Variants in FOXN2 observed in about 807,000 individuals in gnomAD.
FOXN2 encodes forkhead box N2.
Under a neutral mutation model 41.2 loss-of-function variants are expected in FOXN2, and 19 were observed. The observed-to-expected ratio is 0.46, with a 90% CI of 0.32 to 0.68. The LOEUF is 0.68. FOXN2 is among the 30% of genes least tolerant of loss of function. The pLI is 0.03. For missense variants in FOXN2, 587 were observed against 509.4 expected, an observed-to-expected ratio of 1.15 and a Z score of -1.47; for synonymous variants, 195 against 176.8, an observed-to-expected ratio of 1.10 and a Z score of -0.82.
chr2:48,333,748 T>C (rs1192634633), intron 2 of FOXN2, among the ~76,000 whole-genome samples: 1 of 152,184 alleles, frequency 6.6e-6, no homozygotes, highest in African/African-American at 2.4e-5. Flanking sequence ...AACCCTATAG[T>C]GGCAAAACAT....
intron 2 of FOXN2, among the ~76,000 whole-genome samples, chr2:48,331,530 T>G (rs1416896129): frequency 6.6e-6 from 1 of 152,178 alleles, no homozygotes; most frequent in Admixed American, 6.5e-5. Flanking sequence ...AAATCATTTA[T>G]GTTGGCCAGG....
At chr2:48,333,744 A>G (rs913724536) in intron 2 of FOXN2, among the ~76,000 whole-genome samples, 2 of 152,182 alleles carry the variant, frequency 1.3e-5, no homozygotes, top group East Asian at 1.9e-4. Flanking sequence ...TCTTAACCCT[A>G]TAGTGGCAAA....
chr2:48,317,079 A>G (rs532252022), intron 1 of FOXN2, among the ~76,000 whole-genome samples: 1 of 152,264 alleles, frequency 6.6e-6, no homozygotes, highest in East Asian at 1.9e-4. Context: ...GTCATAAAAT[A>G]CTTATATAAG....
Position 48,346,199 on chromosome 2 carries a change from A to G in FOXN2, c.-14-2A>G, listed in dbSNP as rs1671088394. On this transcript the variant is annotated splice_acceptor_variant, in intron 2 of 6. Transcript: ENST00000340553. LOFTEE classifies it low-confidence loss of function (5UTR_SPLICE). ...CATTGATAATTGTTTCCTTTGTTGC[A>G]GAACTGTAAGAGTAAATGGGTCCAG... is the stretch of plus-strand genomic sequence containing the variant. 6.4e-7 allele frequency: 1 copy of G among 1,568,882 alleles called. No individual in the cohort carries two copies. The highest frequency in any genetic ancestry group is 2.2e-5 in the East Asian group (1 of 44,462).
chr2:48,331,599 C>T (rs753268464), intron 2 of FOXN2, among the ~76,000 whole-genome samples: 3 of 152,128 alleles, frequency 2.0e-5, no homozygotes, highest in Non-Finnish European at 4.4e-5. Flanking sequence ...AAGAGGATCA[C>T]TTGAGCCCAG....
upstream of FOXN2, among the ~76,000 whole-genome samples, chr2:48,314,355 C>G (rs1237432969): frequency 6.6e-6 from 1 of 152,258 alleles, no homozygotes; most frequent in Non-Finnish European, 1.5e-5. Context: ...CCCGCTTTCC[C>G]CTGCCCTGCT....
intron 1 of FOXN2, 28 bp from the exon 2 acceptor site, chr2:48,328,533 T>C (rs1343338200): frequency 1.3e-5 from 2 of 152,208 alleles, no homozygotes; most frequent in South Asian, 2.1e-4. Context: ...CCAACCTTTT[T>C]TTCCCCCCAA....
chr2:48,353,289 A>G (rs1252800924), intron 3 of FOXN2, among the ~76,000 whole-genome samples: 1 of 137,662 alleles, frequency 7.3e-6, no homozygotes, highest in African/African-American at 2.7e-5. Flanking sequence ...TATACTATAA[A>G]TAGTCCTTGT....
In FOXN2 at chr2:48,375,116, G is replaced by A; in HGVS notation, c.969G>A (p.Leu323=). 6.2e-7 allele frequency: 1 copy of A among 1,614,080 alleles called. No individual in the cohort carries two copies. Among genetic ancestry groups the A allele is most frequent in the Non-Finnish European group, 8.5e-7 (1 of 1,179,988 alleles). ...CATCCAGGTCTAGCGTGTCTTCCCT[G>A]TCTTCTGTGGATGAGGTATATGAAT... ...RCASRSSVSS[L]SSVDEVYEFI... The change falls in exon 7 of 7, where the codon CTG becomes CTA. Residue 323 remains leucine, a synonymous_variant. Transcript: ENST00000340553.
chr2:48,367,355 TACTA>T (rs1459113480), intron 5 of FOXN2, among the ~76,000 whole-genome samples: 1 of 152,168 alleles, frequency 6.6e-6, no homozygotes. Context: ...TTAGTAGTTA[TACTA>T]ACTGCTAAAA....
chr2:48,348,436 A>G (rs543735793), intron 3 of FOXN2, among the ~76,000 whole-genome samples: 48 of 152,310 alleles, frequency 3.2e-4, no homozygotes, highest in African/African-American at 1.2e-3. Flanking sequence ...CATATTAATT[A>G]TAGTTATTAT....
intron 3 of FOXN2, among the ~76,000 whole-genome samples, chr2:48,348,752 C>T (rs1671269652): frequency 6.6e-6 from 1 of 152,190 alleles, no homozygotes; most frequent in Non-Finnish European, 1.5e-5. Flanking sequence ...GATGGACTGC[C>T]AATACTTTGT....
chr2:48,321,190 T>C (rs1437949696), intron 1 of FOXN2, among the ~76,000 whole-genome samples: 2 of 152,094 alleles, frequency 1.3e-5, no homozygotes, highest in African/African-American at 4.8e-5. Context: ...AGTGTAGTAT[T>C]TCTTAAATGG....
At chr2:48,365,302 CT>C (rs1672461422) in intron 5 of FOXN2, among the ~76,000 whole-genome samples, 1 of 152,156 alleles carries the variant, frequency 6.6e-6, no homozygotes, top group East Asian at 1.9e-4. Flanking sequence ...AATGTTCTGC[CT>C]TAACATAAGA....
intron 3 of FOXN2, among the ~76,000 whole-genome samples, chr2:48,352,263 T>C (rs1308448227): frequency 6.6e-6 from 1 of 152,228 alleles, no homozygotes; most frequent in Non-Finnish European, 1.5e-5. Context: ...AGATGTGGGA[T>C]TTGAACACTT....
chr2:48,316,014 T>C (rs143366616), intron 1 of FOXN2, among the ~76,000 whole-genome samples: 1 of 152,284 alleles, frequency 6.6e-6, no homozygotes, highest in Non-Finnish European at 1.5e-5. Context: ...TTTTTTCTGA[T>C]TGTGACAGCC....
intron 5 of FOXN2, among the ~76,000 whole-genome samples, chr2:48,366,770 A>G (rs1366296391): frequency 6.6e-6 from 1 of 151,942 alleles, no homozygotes; most frequent in African/African-American, 2.4e-5. Flanking sequence ...AGGTCACACA[A>G]CTAGTAAGTG....
chr2:48,371,860 T>C (rs1222849104), intron 5 of FOXN2, among the ~76,000 whole-genome samples: 1 of 152,226 alleles, frequency 6.6e-6, no homozygotes, highest in Non-Finnish European at 1.5e-5. Flanking sequence ...TGTGTAGAGA[T>C]ATTACTGACT....
chr2:48,371,004 T>G (rs1369336187), intron 5 of FOXN2, among the ~76,000 whole-genome samples: 3 of 152,196 alleles, frequency 2.0e-5, no homozygotes, highest in Non-Finnish European at 4.4e-5. Context: ...GTTTCATTCT[T>G]CTGCCTGTAG....
Sources: gnomAD v4.1 joint callset for allele counts (sites outside exome capture counted in the v4.1 genomes callset) on GRCh38, gnomAD v4.1.1 for gene constraint, MANE v1.5 for transcripts, NCBI Gene and HGNC (gene_info 2026-07-23, HGNC 2026-07-21) for gene names.